UCK2: variants seen among roughly 807,000 people sequenced by gnomAD.
UCK2 encodes uridine-cytidine kinase 2.
In UCK2, 6 loss-of-function variants were observed where a neutral mutation model predicts 30.8. The ratio of observed to expected loss-of-function variants is 0.19; its 90% CI spans 0.11 to 0.38. UCK2 has a LOEUF of 0.38. Among genes scored for constraint, UCK2 ranks in the 10% least tolerant of loss-of-function variants. The pLI, the probability that UCK2 is intolerant of heterozygous loss-of-function variation, is 1.00. For missense variants in UCK2, 210 were observed against 339.8 expected, an observed-to-expected ratio of 0.62 and a Z score of 3.00; for synonymous variants, 125 against 133.6, an observed-to-expected ratio of 0.94 and a Z score of 0.45.
At chr1:165,898,450 C>T (rs559023235) in intron 4 of UCK2, among the ~76,000 whole-genome samples, 3 of 152,274 alleles carry the variant, frequency 2.0e-5, no homozygotes, top group African/African-American at 4.8e-5. Context: ...CGGTGCTGTT[C>T]GTTTTCTGAA....
intron 1 of UCK2, among the ~76,000 whole-genome samples, chr1:165,833,818 G>T (rs775330065): frequency 6.6e-6 from 1 of 152,064 alleles, no homozygotes; most frequent in Non-Finnish European, 1.5e-5. Context: ...ACTTTTATAT[G>T]TGAGTGTGTA....
chr1:165,889,151 G>A (rs16852447), intron 1 of UCK2, among the ~76,000 whole-genome samples: 29,541 of 152,206 alleles, frequency 0.19, 3,229 homozygotes, highest in South Asian at 0.4. Context: ...TGGTGTTTGT[G>A]TTCCTTGTCA....
intron 1 of UCK2, among the ~76,000 whole-genome samples, chr1:165,856,316 G>A (rs1428984849): frequency 6.6e-6 from 1 of 151,630 alleles, no homozygotes; most frequent in Non-Finnish European, 1.5e-5. Flanking sequence ...GCCAAATTAT[G>A]GTACTAAGTA....
At chr1:165,856,403 G>A (rs1455907830) in intron 1 of UCK2, among the ~76,000 whole-genome samples, 2 of 140,006 alleles carry the variant, frequency 1.4e-5, no homozygotes, top group East Asian at 2.0e-4. Context: ...TGGGTATTAG[G>A]TGATTTTTTT....
intron 1 of UCK2, among the ~76,000 whole-genome samples, chr1:165,873,744 A>G (rs1179576972): frequency 6.6e-6 from 1 of 152,038 alleles, no homozygotes; most frequent in Non-Finnish European, 1.5e-5. Context: ...CTTTTCCCAC[A>G]TGCTGCTTAT....
At chr1:165,906,066 C>T in intron 6 of UCK2, 97 bp downstream of exon 6, 1 of 1,143,622 alleles carries the variant, frequency 8.7e-7, no homozygotes, top group Non-Finnish European at 1.3e-6. Flanking sequence ...GCTCTGCAGA[C>T]ATGGCTGCCC....
chr1:165,840,353 A>G (rs4483381), intron 1 of UCK2, among the ~76,000 whole-genome samples: 85,730 of 152,202 alleles, frequency 0.56, 24,664 homozygotes, highest in African/African-American at 0.7. Flanking sequence ...GCTAATTAGC[A>G]TATCTGTTAC....
At chr1:165,878,323 ATTTC>A (rs1241289340) in intron 1 of UCK2, among the ~76,000 whole-genome samples, 7 of 141,574 alleles carry the variant, frequency 4.9e-5, no homozygotes, top group African/African-American at 1.3e-4. Flanking sequence ...TTGCCAGCTC[ATTTC>A]TTTCTTTCTT....
chr1:165,857,675 A>C (rs937116185), intron 1 of UCK2, among the ~76,000 whole-genome samples: 1 of 152,198 alleles, frequency 6.6e-6, no homozygotes, highest in Non-Finnish European at 1.5e-5. Flanking sequence ...AGCAGGAGTG[A>C]GAGGCAGGAA....
intron 1 of UCK2, among the ~76,000 whole-genome samples, chr1:165,836,501 A>T (rs1360325552): frequency 6.6e-6 from 1 of 152,218 alleles, no homozygotes; most frequent in African/African-American, 2.4e-5. Flanking sequence ...ATGTCAAAAT[A>T]CAGTGGATTT....
At chr1:165,855,749 A>G (rs1318979151) in intron 1 of UCK2, among the ~76,000 whole-genome samples, 3 of 152,158 alleles carry the variant, frequency 2.0e-5, no homozygotes, top group Non-Finnish European at 4.4e-5. Context: ...TTCGAGGAGC[A>G]CAGGTGGATG....
intron 1 of UCK2, among the ~76,000 whole-genome samples, chr1:165,882,149 T>C (rs1006620214): frequency 1.3e-5 from 2 of 152,174 alleles, no homozygotes; most frequent in African/African-American, 4.8e-5. Context: ...TCTGGGTAAA[T>C]ATCTGGAGGT....
chr1:165,899,930 G>A (rs1647396445), intron 4 of UCK2, among the ~76,000 whole-genome samples: 1 of 152,146 alleles, frequency 6.6e-6, no homozygotes, highest in South Asian at 2.1e-4. Context: ...TTATGATGTT[G>A]CATGTTCCCA....
At chr1:165,877,074 A>G (rs1655355180) in intron 1 of UCK2, among the ~76,000 whole-genome samples, 1 of 152,184 alleles carries the variant, frequency 6.6e-6, no homozygotes, top group Middle Eastern at 3.2e-3. Flanking sequence ...GGGGGGCAAC[A>G]ATGTAACTCA....
intron 1 of UCK2, among the ~76,000 whole-genome samples, chr1:165,836,732 T>C (rs1306124699): frequency 2.6e-5 from 4 of 152,240 alleles, no homozygotes; most frequent in Non-Finnish European, 4.4e-5. Flanking sequence ...TGAAAAAGTA[T>C]GCTTGCTTTC....
rs148530607 is a variant in UCK2, at chr1:165,871,387, T to C, written c.100-18817T>C. Among the ~76,000 whole-genome samples, 1,220 of 152,324 alleles carry C rather than the reference T, an allele frequency of 8.0e-3. 48 individuals carry two copies. Among genetic ancestry groups the C allele is most frequent in the Admixed American group, 0.042 (639 of 15,300 alleles). ...CACAGGCCTGATCCCTTAGCATGTGTGCAGCTGTGGGCTAGAGGGTTGAAA... is the reference window on the plus strand; with the variant it reads ...CACAGGCCTGATCCCTTAGCATGTGCGCAGCTGTGGGCTAGAGGGTTGAAA... On this transcript the variant is annotated intron_variant, in intron 1 of 6. Transcript: ENST00000367879.
intron 1 of UCK2, among the ~76,000 whole-genome samples, chr1:165,863,805 G>A (rs757193624): frequency 6.6e-6 from 1 of 152,142 alleles, no homozygotes; most frequent in Non-Finnish European, 1.5e-5. Flanking sequence ...GGTTTCTGAT[G>A]GAGAGTTTAC....
At chr1:165,836,222 C>T (rs10753692) in intron 1 of UCK2, among the ~76,000 whole-genome samples, 85,812 of 148,892 alleles carry the variant, frequency 0.58, 26,038 homozygotes, top group East Asian at 0.92. Flanking sequence ...GAGCAAGACT[C>T]CGTCTCAAAA....
chr1:165,868,575 T>C (rs571250791), intron 1 of UCK2, among the ~76,000 whole-genome samples: 3 of 152,384 alleles, frequency 2.0e-5, no homozygotes, highest in East Asian at 3.8e-4. Context: ...GTTTCTTAAC[T>C]TAAGCCTCAT....
Sources: allele counts gnomAD v4.1 joint callset (sites outside exome capture counted in the v4.1 genomes callset), GRCh38; gene constraint gnomAD v4.1.1; transcripts MANE v1.5; gene names NCBI Gene and HGNC (gene_info 2026-07-23, HGNC 2026-07-21).